The following FOXK2 variants were observed in gnomAD, a reference collection of about 807,000 sequenced individuals.
FOXK2 encodes the protein forkhead box protein K2.
In FOXK2, 24 loss-of-function variants were observed where a neutral mutation model predicts 53.3. The ratio of observed to expected loss-of-function variants is 0.45; its 90% CI spans 0.33 to 0.63. The LOEUF (loss-of-function observed/expected upper bound fraction) is 0.63. Among genes scored for constraint, FOXK2 ranks in the 30% least tolerant of loss-of-function variants. The pLI, the probability that FOXK2 is intolerant of heterozygous loss-of-function variation, is 0.03. For synonymous variants in FOXK2, 505 were observed against 407.1 expected (o/e 1.24, Z -2.89); for missense variants, 952 against 910.5 (o/e 1.05, Z -0.59).
At chr17:82,563,751 C>CTT (rs1491377208) in intron 2 of FOXK2, among the ~76,000 whole-genome samples, 1 of 132,158 alleles carries the variant, frequency 7.6e-6, no homozygotes, top group African/African-American at 3.0e-5. Flanking sequence ...TACTCATTCC[C>CTT]TTTTTTTTTT....
intron 1 of FOXK2, among the ~76,000 whole-genome samples, chr17:82,558,865 G>T (rs1483219248): frequency 6.6e-6 from 1 of 152,044 alleles, no homozygotes; most frequent in East Asian, 1.9e-4. Context: ...TCCTGCCTCA[G>T]CCTCCCGAGT....
intron 4 of FOXK2, 124 bp from the exon 5 acceptor site, chr17:82,582,617 C>G: frequency 2.8e-6 from 2 of 723,440 alleles, no homozygotes; most frequent in South Asian, 2.1e-5. Context: ...AAAAAAAATT[C>G]ACTCTTGCAG....
chr17:82,602,338 G>A lies in FOXK2; in HGVS notation c.*839G>A, dbSNP rs976878848. 3 of 152,170 alleles carry A rather than the reference G, an allele frequency of 2.0e-5. No individual in the cohort carries two copies. Among genetic ancestry groups the A allele is most frequent in the Non-Finnish European group, 1.5e-5 (1 of 68,034 alleles). The allele number at this position is 152,170 out of a possible 1,614,324, so 9.4% of individuals were successfully genotyped here. ...TATTTTTTGTTGTTTGTTTCTTTGT[G>A]TTGACTTTGTCCCTGGCAAAATTTT... On this transcript the variant is annotated 3_prime_UTR_variant, in exon 9 of 9. Coordinates refer to ENST00000335255, the MANE Select transcript of FOXK2 (RefSeq NM_004514.4).
chr17:82,582,924 C>T lies in FOXK2; in HGVS notation c.1093C>T (p.Leu365Phe). Residue 365 changes from leucine (L) to phenylalanine (F), a missense_variant, in exon 5 of 9, where the codon CTC becomes TTC. Coordinates refer to ENST00000335255, the MANE Select transcript of FOXK2 (RefSeq NM_004514.4). ...CTGCTTTAGAACCCCTCTGGGACCG[C>T]TCTCTTCTAGGTAAGGAAAAAGAAG... ...VPCFRTPLGP[L>F]SSRSAPASPN... is the part of the protein sequence containing the mutation. 6.3e-7 allele frequency: 1 copy of T among 1,587,172 alleles called. No homozygotes were observed. The highest frequency in any genetic ancestry group is 8.5e-7 in the Non-Finnish European group (1 of 1,172,150).
chr17:82,563,604 G>C, intron 2 of FOXK2, 56 bp downstream of exon 2: 1 of 1,509,154 alleles, frequency 6.6e-7, no homozygotes, highest in Non-Finnish European at 9.0e-7. Flanking sequence ...GCAGCCCCAA[G>C]TAACGCCTTT....
chr17:82,569,994 G>A (rs1233314671), intron 3 of FOXK2, among the ~76,000 whole-genome samples: 3 of 152,306 alleles, frequency 2.0e-5, no homozygotes, highest in South Asian at 4.1e-4. Context: ...AGGCCAAGGT[G>A]GGCGGATCAC....
At chr17:82,566,784 A>G (rs573252773) in intron 2 of FOXK2, among the ~76,000 whole-genome samples, 1 of 152,122 alleles carries the variant, frequency 6.6e-6, no homozygotes, top group East Asian at 1.9e-4. Context: ...ACCTGCACAG[A>G]CCTTTGTCAG....
At chr17:82,585,830 A>T in intron 6 of FOXK2, 74 bp from the exon 7 acceptor site, 1 of 1,450,964 alleles carries the variant, frequency 6.9e-7, no homozygotes, top group East Asian at 2.3e-5. Flanking sequence ...GTTGCTTGTC[A>T]GTGCTGAGTG....
At chr17:82,591,047 C>T (rs1313559549) in intron 8 of FOXK2, among the ~76,000 whole-genome samples, 4 of 152,164 alleles carry the variant, frequency 2.6e-5, no homozygotes, top group East Asian at 1.9e-4. Context: ...CTGCGTGTGT[C>T]GTGAAGACAG....
rs1194659763 is a variant in FOXK2 at position 82,601,498 on chromosome 17, A to AG, written c.1983dup. Residue 661 remains the stop codon, a frameshift_variant and stop_retained_variant, in exon 9 of 9, where the codon TAG becomes TAGG. Coordinates refer to ENST00000335255, the MANE Select transcript of FOXK2 (RefSeq NM_004514.4). LOFTEE classifies it high-confidence loss of function. ...AAVREKGVQN[*] is the part of the protein sequence containing the mutation. ...GTAAGGGAAAAGGGTGTCCAGAACT[A>AG]GCGACCGGGAGAGCTTTTCTTTAAC... is the stretch of plus-strand genomic sequence containing the variant. 1.3e-6 allele frequency: 2 copies of AG among 1,596,822 alleles called. No individual in the cohort carries two copies. Among genetic ancestry groups the AG allele is most frequent in the South Asian group, 2.2e-5 (2 of 90,648 alleles).
intron 1 of FOXK2, among the ~76,000 whole-genome samples, chr17:82,554,643 T>C (rs562508878): frequency 6.6e-6 from 1 of 152,250 alleles, no homozygotes; most frequent in Admixed American, 6.5e-5. Flanking sequence ...TCTTAACCTG[T>C]CCCTTCCTTC....
At chr17:82,575,985 C>T (rs554856089) in intron 4 of FOXK2, among the ~76,000 whole-genome samples, 4 of 87,540 alleles carry the variant, frequency 4.6e-5, no homozygotes, top group African/African-American at 1.9e-4. Flanking sequence ...GCGGCGGGTT[C>T]GTCCACACGT....
chr17:82,556,230 G>A (rs1048291444), intron 1 of FOXK2, among the ~76,000 whole-genome samples: 1 of 152,020 alleles, frequency 6.6e-6, no homozygotes, highest in Admixed American at 6.5e-5. Context: ...CGGATCATGA[G>A]GTCAGGAGAT....
intron 1 of FOXK2, among the ~76,000 whole-genome samples, chr17:82,556,893 G>T (rs2044731154): frequency 6.6e-6 from 1 of 151,894 alleles, no homozygotes; most frequent in Admixed American, 6.6e-5. Context: ...AGTAGAGTCA[G>T]GGTCTCACCA....
Position 82,601,853 on chromosome 17 carries a change from C to CG in FOXK2, c.*360dup, listed in dbSNP as rs1202618328. ...TCTCCCAAGACTAGGCCTCAGGACG[C>CG]GGGGGGAGCCATCCCCGCCGCCCTC... On this transcript the variant is annotated 3_prime_UTR_variant, in exon 9 of 9. Transcript: ENST00000335255. 8 of 201,686 alleles carry CG rather than the reference C, an allele frequency of 4.0e-5. No homozygotes were observed. The highest frequency in any genetic ancestry group is 2.1e-4 in the Admixed American group (4 of 18,768). 12.5% of individuals were successfully genotyped at this position (201,686 alleles called of 1,614,324 possible). A position where few individuals can be genotyped will look rare whatever the true frequency, so the allele number is the denominator to read the frequency against.
At chr17:82,584,617 G>A (rs920854211) in intron 6 of FOXK2, among the ~76,000 whole-genome samples, 1 of 131,338 alleles carries the variant, frequency 7.6e-6, no homozygotes, top group Non-Finnish European at 1.5e-5. Context: ...ATCTTGGCTC[G>A]TTGCAACCTC....
chr17:82,596,083 C>T (rs1305705845), intron 8 of FOXK2: 1 of 1,025,438 alleles, frequency 9.8e-7, no homozygotes, highest in African/African-American at 1.7e-5. Flanking sequence ...TTTTTGTAGA[C>T]ACATTAGAGT....
At chr17:82,537,478 G>A (rs1372372911) in intron 1 of FOXK2, among the ~76,000 whole-genome samples, 2 of 151,036 alleles carry the variant, frequency 1.3e-5, no homozygotes, top group Admixed American at 6.6e-5. Context: ...AAAATTAACC[G>A]GGCATGGTGG....
chr17:82,521,788 AAATT>A (rs2044364891), intron 1 of FOXK2, among the ~76,000 whole-genome samples: 1 of 147,864 alleles, frequency 6.8e-6, no homozygotes, highest in South Asian at 2.2e-4. Flanking sequence ...AAAAAAAAAA[AAATT>A]AGCCGGGCGC....
Sources: gnomAD v4.1 joint callset for allele counts (sites outside exome capture counted in the v4.1 genomes callset) on GRCh38, gnomAD v4.1.1 for gene constraint, MANE v1.5 for transcripts, NCBI Gene and HGNC (gene_info 2026-07-23, HGNC 2026-07-21) for gene names.